The following CSMD1 variants were observed in gnomAD, a reference collection of about 807,000 sequenced individuals.
CSMD1 encodes the protein CUB and Sushi multiple domains 1, also known as CUB and sushi domain-containing protein 1.
Under a neutral mutation model 417.5 loss-of-function variants are expected in CSMD1, and 213 were observed. The observed-to-expected ratio is 0.51, with a 90% CI of 0.46 to 0.57. The LOEUF (loss-of-function observed/expected upper bound fraction) is 0.57. Ranked by LOEUF, CSMD1 falls within the 20% of genes least tolerant of loss-of-function variation. CSMD1 has a pLI of 0.00. For synonymous variants in CSMD1, 2,862 were observed against 1,736.8 expected (o/e 1.65, Z -16.11); for missense variants, 6,923 against 4,529.7 (o/e 1.53, Z -15.17).
At chr8:3,586,043 T>C in intron 9 of CSMD1, 93 bp downstream of exon 9, 7 of 1,319,136 alleles carry the variant, frequency 5.3e-6, no homozygotes, top group Non-Finnish European at 7.2e-6. Flanking sequence ...ACTCTTCCCA[T>C]ACACAATGCT....
At position 3,412,156 on chromosome 8, in the gene CSMD1, G is replaced by A. The variant is rs1211486225; in HGVS notation, c.1562-2551C>T. Among the ~76,000 whole-genome samples the A allele has an allele frequency of 1.4e-4, 14 of 102,582 alleles. 1 individual carries two copies. The highest frequency in any genetic ancestry group is 8.1e-4 in the East Asian group (2 of 2,458). The allele number at this position is 102,582 out of a possible 152,430, so 67.3% of individuals were successfully genotyped here. A position where few individuals can be genotyped will look rare whatever the true frequency, so the allele number is the denominator to read the frequency against. ...TACATATATACATATATATACACAC[G>A]TATATATACATATATACATATATAT... On this transcript the variant is annotated intron_variant, in intron 12 of 69. Transcript: ENST00000635120.
At chr8:4,824,322 T>A (rs890838024) in intron 1 of CSMD1, among the ~76,000 whole-genome samples, 1 of 152,062 alleles carries the variant, frequency 6.6e-6, no homozygotes, top group Non-Finnish European at 1.5e-5. Flanking sequence ...CTTTGTGTTA[T>A]TTGGTTGGGA....
Position 4,140,902 on chromosome 8 carries a change from T to C in CSMD1, c.416-108803A>G, listed in dbSNP as rs149686359. 1.6e-4 allele frequency among the ~76,000 whole-genome samples: 24 copies of C among 151,182 alleles called. No individual in the cohort carries two copies. The East Asian group carries it at 2.1e-3, about 13-fold the overall frequency. ...GCTGATCGCCAATGCACAGGCTCAG[T>C]AGGGCCGACTTACTGCTAACAAAAA... is the stretch of plus-strand genomic sequence containing the variant. On this transcript the variant is annotated intron_variant, in intron 3 of 69. Coordinates refer to ENST00000635120, the MANE Select transcript of CSMD1 (RefSeq NM_033225.6).
At chr8:4,453,093 G>C (rs1415791410) in intron 2 of CSMD1, among the ~76,000 whole-genome samples, 1 of 152,016 alleles carries the variant, frequency 6.6e-6, no homozygotes, top group African/African-American at 2.4e-5. Context: ...TGGGGCTATA[G>C]ACAGGGAGCC....
At chr8:4,643,877 C>T (rs1178776968) in intron 1 of CSMD1, among the ~76,000 whole-genome samples, 1 of 152,146 alleles carries the variant, frequency 6.6e-6, no homozygotes, top group Non-Finnish European at 1.5e-5. Context: ...AGGCATTTTG[C>T]AGGAACACCA....
In CSMD1 at chr8:4,289,724, G is replaced by C. The variant is rs568473654; in HGVS notation, c.415+130229C>G. On this transcript the variant is annotated intron_variant, in intron 3 of 69. Coordinates refer to ENST00000635120, the MANE Select transcript of CSMD1 (RefSeq NM_033225.6). ...TGCTTTCTTCAGCTACTGAGATTTT[G>C]CTACTGGGTAATGCATTGTGAATAA... Among the ~76,000 whole-genome samples the C allele has an allele frequency of 4.0e-4, 61 of 152,264 alleles. No individual in the cohort carries two copies. In the South Asian group the frequency reaches 4.6e-3, roughly 11 times the overall value.
At chr8:4,312,093 G>C (rs1798616143) in intron 3 of CSMD1, among the ~76,000 whole-genome samples, 2 of 151,954 alleles carry the variant, frequency 1.3e-5, no homozygotes, top group South Asian at 2.1e-4. Context: ...CAATTTCCAG[G>C]AGTTAAAAAA....
At chr8:4,056,007 T>A (rs971366102) in intron 3 of CSMD1, among the ~76,000 whole-genome samples, 1 of 151,932 alleles carries the variant, frequency 6.6e-6, no homozygotes, top group Non-Finnish European at 1.5e-5. Flanking sequence ...TGGAAAATTG[T>A]AGTCTACACA....
At chr8:3,717,215 A>G (rs1483252351) in intron 6 of CSMD1, among the ~76,000 whole-genome samples, 2 of 152,214 alleles carry the variant, frequency 1.3e-5, no homozygotes, top group African/African-American at 4.8e-5. Context: ...TCAAAATTAT[A>G]TTAGTAAACG....
At chr8:3,347,335 G>C (rs559361937) in intron 22 of CSMD1, among the ~76,000 whole-genome samples, 1 of 152,156 alleles carries the variant, frequency 6.6e-6, no homozygotes, top group Non-Finnish European at 1.5e-5. Context: ...ATTATATCAG[G>C]ACTCTTAGAA....
At chr8:3,170,986 A>G (rs945306332) in intron 37 of CSMD1, among the ~76,000 whole-genome samples, 1 of 152,230 alleles carries the variant, frequency 6.6e-6, no homozygotes, top group Non-Finnish European at 1.5e-5. Context: ...TTTTAGCCGG[A>G]TATAATTAAT....
At chr8:3,321,778 T>C (rs1806170508) in intron 23 of CSMD1, among the ~76,000 whole-genome samples, 1 of 152,228 alleles carries the variant, frequency 6.6e-6, no homozygotes, top group Non-Finnish European at 1.5e-5. Context: ...AACTGTATTT[T>C]CTAAATAAAA....
At chr8:4,640,297 T>A (rs117082790) in intron 1 of CSMD1, among the ~76,000 whole-genome samples, 2 of 152,232 alleles carry the variant, frequency 1.3e-5, no homozygotes, top group African/African-American at 2.4e-5. Context: ...GGCTGTCCAG[T>A]GCAAACAACC....
chr8:4,129,128 T>C (rs1345694444), intron 3 of CSMD1, among the ~76,000 whole-genome samples: 1 of 151,950 alleles, frequency 6.6e-6, no homozygotes, highest in Admixed American at 6.6e-5. Context: ...TTGTTGTTGT[T>C]GCTTTTGTTT....
intron 51 of CSMD1, among the ~76,000 whole-genome samples, chr8:3,028,087 G>T (rs1266767003): frequency 1.3e-5 from 2 of 152,210 alleles, no homozygotes; most frequent in Non-Finnish European, 2.9e-5. Context: ...AGAAAACGCT[G>T]TACTGCGCTG....
intron 3 of CSMD1, among the ~76,000 whole-genome samples, chr8:4,259,632 C>T (rs977015360): frequency 2.0e-5 from 3 of 152,042 alleles, no homozygotes; most frequent in Non-Finnish European, 4.4e-5. Context: ...AGTCGGAGTC[C>T]TTACCCAAAA....
At chr8:3,635,859 T>C (rs2117282273) in intron 7 of CSMD1, among the ~76,000 whole-genome samples, 1 of 150,710 alleles carries the variant, frequency 6.6e-6, no homozygotes. Flanking sequence ...CACACTTAGG[T>C]TACTCTACAT....
At chr8:3,617,956 T>C (rs987895882) in intron 7 of CSMD1, among the ~76,000 whole-genome samples, 7 of 152,168 alleles carry the variant, frequency 4.6e-5, no homozygotes, top group Non-Finnish European at 8.8e-5. Context: ...TCGTGAAGCA[T>C]TTGATTAAAA....
At chr8:4,964,991 T>C (rs1029324568) in intron 1 of CSMD1, among the ~76,000 whole-genome samples, 1 of 152,176 alleles carries the variant, frequency 6.6e-6, no homozygotes, top group African/African-American at 2.4e-5. Flanking sequence ...TTTGGGTCAC[T>C]TCTTCACTTC....
Sources: allele counts gnomAD v4.1 joint callset (sites outside exome capture counted in the v4.1 genomes callset), GRCh38; gene constraint gnomAD v4.1.1; transcripts MANE v1.5; gene names NCBI Gene and HGNC (gene_info 2026-07-23, HGNC 2026-07-21).